The following NRXN3 variants were observed in gnomAD, a reference collection of about 807,000 sequenced individuals.
The protein encoded by NRXN3 is neurexin III.
A neutral mutation model predicts 137.6 loss-of-function variants in NRXN3; 32 were observed. That is an observed-to-expected ratio of 0.23 (90% CI 0.18 to 0.31). The LOEUF (loss-of-function observed/expected upper bound fraction) is 0.31, where lower values mean the gene tolerates loss of function less well. NRXN3 is among the 10% of genes least tolerant of loss of function. NRXN3 has a pLI of 1.00. For missense variants in NRXN3, 1,574 were observed against 2,062.5 expected (o/e 0.76, Z 4.59); for synonymous variants, 798 against 784.5 (o/e 1.02, Z -0.29).
At chr14:78,200,802 A>C (rs1020846946) in intron 1 of NRXN3, among the ~76,000 whole-genome samples, 1 of 152,206 alleles carries the variant, frequency 6.6e-6, no homozygotes, top group African/African-American at 2.4e-5. Flanking sequence ...CATCCTTGTC[A>C]TGCAAAGAAC....
intron 15 of NRXN3, among the ~76,000 whole-genome samples, chr14:79,377,320 C>G (rs958249918): frequency 1.3e-5 from 2 of 152,180 alleles, no homozygotes; most frequent in Non-Finnish European, 2.9e-5. Flanking sequence ...GAAAGTACAA[C>G]CCCTGGTAAT....
At chr14:79,264,253 TA>T (rs1253982223) in intron 15 of NRXN3, among the ~76,000 whole-genome samples, 1 of 152,062 alleles carries the variant, frequency 6.6e-6, no homozygotes, top group Non-Finnish European at 1.5e-5. Flanking sequence ...CATGCCTGGC[TA>T]ATTTTTGCAT....
At chr14:78,711,263 G>A (rs2098404714) in intron 7 of NRXN3, among the ~76,000 whole-genome samples, 1 of 151,826 alleles carries the variant, frequency 6.6e-6, no homozygotes, top group Non-Finnish European at 1.5e-5. Flanking sequence ...ATTGCCATTT[G>A]TTCATTTCTG....
chr14:78,326,065 G>A (rs1294176791), intron 4 of NRXN3, among the ~76,000 whole-genome samples: 1 of 152,162 alleles, frequency 6.6e-6, no homozygotes. Flanking sequence ...TAGGATAACT[G>A]CTAGCCTGTT....
At chr14:78,714,514 C>G (rs1289992001) in intron 7 of NRXN3, among the ~76,000 whole-genome samples, 2 of 152,188 alleles carry the variant, frequency 1.3e-5, no homozygotes. Flanking sequence ...AGAAAAGATA[C>G]ACTAGATGTT....
At chr14:78,498,692 G>T (rs1490422090) in intron 4 of NRXN3, among the ~76,000 whole-genome samples, 1 of 152,180 alleles carries the variant, frequency 6.6e-6, no homozygotes, top group Non-Finnish European at 1.5e-5. Context: ...CATTTAAGGG[G>T]ATAATTTCAG....
chr14:79,624,240 A>G (rs1033053996), intron 16 of NRXN3, among the ~76,000 whole-genome samples: 4 of 152,162 alleles, frequency 2.6e-5, no homozygotes, highest in African/African-American at 7.2e-5. Flanking sequence ...GAAATACATG[A>G]CCTAAATTGT....
chr14:78,593,543 G>T (rs777719840), intron 4 of NRXN3, among the ~76,000 whole-genome samples: 1 of 152,192 alleles, frequency 6.6e-6, no homozygotes, highest in Non-Finnish European at 1.5e-5. Context: ...TGACTTTCCT[G>T]AGACTGGAGT....
intron 17 of NRXN3, among the ~76,000 whole-genome samples, chr14:79,683,158 G>C (rs2098679121): frequency 6.6e-6 from 1 of 152,168 alleles, no homozygotes; most frequent in African/African-American, 2.4e-5. Flanking sequence ...AGTCAGAATA[G>C]AAAACTAGTC....
chr14:78,683,264 A>T (rs955795462), intron 6 of NRXN3, among the ~76,000 whole-genome samples: 2 of 152,232 alleles, frequency 1.3e-5, no homozygotes, highest in African/African-American at 4.8e-5. Context: ...GAAAATTTAT[A>T]ATTACATATG....
rs116286803 is a variant in NRXN3 at position 78,296,668 on chromosome 14, G to A, written c.728-1163G>A. On this transcript the variant is annotated intron_variant, in intron 3 of 20. Transcript: ENST00000335750. ...TATTATAGTTTAATGAAACTTGTTT[G>A]ACAAATAGACCCCCTGACATTTATG... is the stretch of plus-strand genomic sequence containing the variant. Among the ~76,000 whole-genome samples, 712 of 152,216 alleles carry A rather than the reference G, an allele frequency of 4.7e-3. 9 individuals are homozygous for A. The highest frequency in any genetic ancestry group is 0.015 in the African/African-American group (639 of 41,540).
At chr14:78,858,595 T>C (rs2099063822) in intron 10 of NRXN3, among the ~76,000 whole-genome samples, 1 of 152,208 alleles carries the variant, frequency 6.6e-6, no homozygotes, top group African/African-American at 2.4e-5. Context: ...CTACTTCCTT[T>C]GGAGCTTATA....
chr14:79,142,896 G>A (rs76118417), intron 15 of NRXN3, among the ~76,000 whole-genome samples: 2,485 of 152,228 alleles, frequency 0.016, 57 homozygotes, highest in African/African-American at 0.056. Flanking sequence ...CAAGGGAGGA[G>A]GCAGAAGATT....
intron 16 of NRXN3, among the ~76,000 whole-genome samples, chr14:79,638,493 C>T (rs933535947): frequency 1.9e-4 from 29 of 152,124 alleles, no homozygotes; most frequent in Admixed American, 1.9e-3. Flanking sequence ...CTGTAATACC[C>T]AGGTTCTTTC....
At chr14:79,679,253 C>T (rs1212109026) in intron 17 of NRXN3, among the ~76,000 whole-genome samples, 6 of 152,050 alleles carry the variant, frequency 3.9e-5, no homozygotes, top group African/African-American at 1.4e-4. Context: ...CACACACACC[C>T]ATCAATGGGC....
chr14:78,934,201 A>C (rs968064725), intron 10 of NRXN3, among the ~76,000 whole-genome samples: 2 of 151,704 alleles, frequency 1.3e-5, no homozygotes, highest in African/African-American at 4.8e-5. Flanking sequence ...AAAGCACTGA[A>C]CTTCTGGCTC....
intron 4 of NRXN3, among the ~76,000 whole-genome samples, chr14:78,326,777 G>T (rs144350093): frequency 1.3e-5 from 2 of 152,168 alleles, no homozygotes; most frequent in Non-Finnish European, 2.9e-5. Context: ...TGTTCTAGGT[G>T]TGGGGAACAC....
At chr14:79,606,967 C>A (rs960727601) in intron 16 of NRXN3, among the ~76,000 whole-genome samples, 1 of 152,172 alleles carries the variant, frequency 6.6e-6, no homozygotes, top group Non-Finnish European at 1.5e-5. Flanking sequence ...GTTTGGCTGG[C>A]AAGTTTTGCT....
chr14:79,773,480 C>T (rs1024803356), intron 19 of NRXN3, among the ~76,000 whole-genome samples: 3 of 151,866 alleles, frequency 2.0e-5, no homozygotes, highest in Non-Finnish European at 2.9e-5. Flanking sequence ...CCTTTGTAGG[C>T]ACATGGATGA....
Sources: allele counts gnomAD v4.1 joint callset (sites outside exome capture counted in the v4.1 genomes callset), GRCh38; gene constraint gnomAD v4.1.1; transcripts MANE v1.5; gene names NCBI Gene and HGNC (gene_info 2026-07-23, HGNC 2026-07-21).